Variants in DOK6 observed in about 807,000 individuals in gnomAD.
The protein encoded by DOK6 is docking protein 6.
In DOK6, 22 loss-of-function variants were observed where a neutral mutation model predicts 44.0. The ratio of observed to expected loss-of-function variants is 0.50; its 90% CI spans 0.36 to 0.71. The LOEUF is 0.71. Among genes scored for constraint, DOK6 ranks in the 30% least tolerant of loss-of-function variants. The pLI is 0.00. For missense variants in DOK6, 340 were observed against 416.4 expected, an observed-to-expected ratio of 0.82 and a Z score of 1.60; for synonymous variants, 166 against 145.5, an observed-to-expected ratio of 1.14 and a Z score of -1.01.
intron 1 of DOK6, among the ~76,000 whole-genome samples, chr18:69,456,158 C>T (rs1295705547): frequency 6.6e-6 from 1 of 152,084 alleles, no homozygotes; most frequent in Non-Finnish European, 1.5e-5. Flanking sequence ...TGTTTTTATT[C>T]CAGGAATTAT....
intron 1 of DOK6, chr18:69,533,004 GAACA>G (rs770350406): frequency 2.0e-5 from 3 of 151,968 alleles, no homozygotes; most frequent in Non-Finnish European, 4.4e-5. Context: ...GTTCTTTTGG[GAACA>G]AACAGATAGT....
At chr18:69,682,231 T>C (rs1387661695) in intron 4 of DOK6, among the ~76,000 whole-genome samples, 4 of 152,098 alleles carry the variant, frequency 2.6e-5, no homozygotes, top group African/African-American at 9.7e-5. Flanking sequence ...AAACAAGAAA[T>C]GTAAAATTGA....
chr18:69,789,771 T>A (rs1161370759), intron 7 of DOK6, among the ~76,000 whole-genome samples: 1 of 152,200 alleles, frequency 6.6e-6, no homozygotes, highest in African/African-American at 2.4e-5. Flanking sequence ...ACCATTAAGA[T>A]ACCAGCTAGA....
chr18:69,485,928 C>A (rs1980565573), intron 1 of DOK6, among the ~76,000 whole-genome samples: 1 of 148,546 alleles, frequency 6.7e-6, no homozygotes, highest in African/African-American at 2.5e-5. Flanking sequence ...TCCCAGTATC[C>A]CCTAAAACTA....
At chr18:69,408,128 T>G (rs1339476489) in intron 1 of DOK6, among the ~76,000 whole-genome samples, 1 of 152,218 alleles carries the variant, frequency 6.6e-6, no homozygotes, top group Non-Finnish European at 1.5e-5. Flanking sequence ...AAACCTAGGT[T>G]TATAACTTCA....
chr18:69,675,549 A>G (rs1202801622), intron 3 of DOK6, among the ~76,000 whole-genome samples: 1 of 152,232 alleles, frequency 6.6e-6, no homozygotes, highest in African/African-American at 2.4e-5. Context: ...TTTAAAAGAA[A>G]AACATACCTA....
At chr18:69,520,753 T>G (rs1379526881) in intron 1 of DOK6, among the ~76,000 whole-genome samples, 1 of 151,870 alleles carries the variant, frequency 6.6e-6, no homozygotes, top group African/African-American at 2.4e-5. Context: ...ATTCAAAATA[T>G]CCAAAATCTG....
At position 69,631,779 on chromosome 18, in the gene DOK6, T is replaced by C. The variant is rs1002257016; in HGVS notation, c.289+32281T>C. The stretch of plus-strand genomic sequence containing the variant: ...GAAAACTACTGCTAACAAATGGACA[T>C]GTGTACATCCATTAGACAAAGTGTC... On this transcript the variant is annotated intron_variant, in intron 3 of 7. Transcript: ENST00000382713. 7.2e-5 allele frequency among the ~76,000 whole-genome samples: 11 copies of C among 152,200 alleles called. No homozygotes were observed. In the East Asian group the frequency reaches 1.3e-3, roughly 19 times the overall value.
At chr18:69,536,362 A>G (rs1339065569) in intron 1 of DOK6, among the ~76,000 whole-genome samples, 1 of 152,220 alleles carries the variant, frequency 6.6e-6, no homozygotes, top group Non-Finnish European at 1.5e-5. Flanking sequence ...TGCTCTGTAA[A>G]AATATGACTG....
rs58451274 is a variant in DOK6, at chr18:69,455,156, C to CA, written c.66+53864dup. Among the ~76,000 whole-genome samples the CA allele has an allele frequency of 1.1e-3, 129 of 117,420 alleles. 1 individual carries two copies. The highest frequency in any genetic ancestry group is 9.6e-3 in the Middle Eastern group (2 of 208). The allele number at this position is 117,420 out of a possible 152,430, so 77.0% of individuals were successfully genotyped here. ...AGGTACTTTTGCTGAATAGCTATAG[C>CA]AAAAAAAAAAAAAAAAAAGAAAAGA... On this transcript the variant is annotated intron_variant, in intron 1 of 7. Transcript: ENST00000382713.
chr18:69,707,419 C>G (rs573634837), intron 5 of DOK6, among the ~76,000 whole-genome samples: 1 of 152,154 alleles, frequency 6.6e-6, no homozygotes, highest in Non-Finnish European at 1.5e-5. Flanking sequence ...AGAGCTTTAC[C>G]GAATATCTCA....
intron 1 of DOK6, among the ~76,000 whole-genome samples, chr18:69,525,860 G>C (rs986158031): frequency 6.6e-6 from 1 of 151,968 alleles, no homozygotes; most frequent in East Asian, 1.9e-4. Context: ...ATTTAAAAAC[G>C]CTACAACTTT....
chr18:69,653,214 G>A (rs144685238), intron 3 of DOK6, among the ~76,000 whole-genome samples: 68 of 152,002 alleles, frequency 4.5e-4, no homozygotes, highest in East Asian at 3.1e-3. Flanking sequence ...TTGCCAATTC[G>A]TAAGTAACAC....
intron 6 of DOK6, among the ~76,000 whole-genome samples, chr18:69,749,016 G>A (rs1386154610): frequency 1.3e-5 from 2 of 152,142 alleles, no homozygotes; most frequent in Non-Finnish European, 2.9e-5. Context: ...GGACATGGAT[G>A]AGCTGGAAAG....
intron 7 of DOK6, among the ~76,000 whole-genome samples, chr18:69,840,324 T>A (rs906062294): frequency 6.6e-6 from 1 of 152,246 alleles, no homozygotes; most frequent in Non-Finnish European, 1.5e-5. Context: ...TCTATTTTTC[T>A]TCTCCCTCTA....
At chr18:69,481,830 C>G (rs9675946) in intron 1 of DOK6, among the ~76,000 whole-genome samples, 36,078 of 151,952 alleles carry the variant, frequency 0.24, 4,593 homozygotes, top group East Asian at 0.52. Flanking sequence ...CTAGTTTACA[C>G]TCCCACCAAC....
In DOK6 at chr18:69,708,531, A is replaced by G. The variant is rs987734233; in HGVS notation, c.599+9938A>G. Among the ~76,000 whole-genome samples, 12 of 152,294 alleles carry G rather than the reference A, an allele frequency of 7.9e-5. No homozygotes were observed. In the East Asian group the frequency reaches 1.3e-3, roughly 17 times the overall value. The stretch of plus-strand genomic sequence containing the variant: ...GCCGGGTGTGGTGGCTCACGCCCGT[A>G]ATCCCAGCTCTTTGGGAGGCCGAGG... On this transcript the variant is annotated intron_variant, in intron 5 of 7. Transcript: ENST00000382713.
intron 1 of DOK6, among the ~76,000 whole-genome samples, chr18:69,542,218 T>C (rs1389446017): frequency 6.6e-6 from 1 of 151,448 alleles, no homozygotes; most frequent in African/African-American, 2.4e-5. Flanking sequence ...GAAACCAACT[T>C]AGCAAACTTA....
chr18:69,830,002 G>A (rs1981856641), intron 7 of DOK6, among the ~76,000 whole-genome samples: 1 of 152,002 alleles, frequency 6.6e-6, no homozygotes, highest in South Asian at 2.1e-4. Context: ...ACAATTTGAA[G>A]AATCAGAAAT....
Sources: allele counts gnomAD v4.1 joint callset (sites outside exome capture counted in the v4.1 genomes callset), GRCh38; gene constraint gnomAD v4.1.1; transcripts MANE v1.5; gene names NCBI Gene and HGNC (gene_info 2026-07-23, HGNC 2026-07-21).